NCKAP5: variants seen among roughly 807,000 people sequenced by gnomAD.
NCKAP5 encodes the protein NCK associated protein 5, also known as nck-associated protein 5.
NCKAP5 carries 92 observed loss-of-function variants against 167.0 expected under a neutral mutation model. That is an observed-to-expected ratio of 0.55 (90% confidence interval 0.47 to 0.66). The LOEUF is 0.66. Among genes scored for constraint, NCKAP5 ranks in the 30% least tolerant of loss-of-function variants. The pLI is 0.00. For missense variants in NCKAP5, 2,378 were observed against 2,315.0 expected (o/e 1.03, Z -0.56); for synonymous variants, 891 against 877.4 (o/e 1.02, Z -0.27).
intron 6 of NCKAP5, among the ~76,000 whole-genome samples, chr2:133,088,970 T>C (rs1009632580): frequency 6.6e-6 from 1 of 152,194 alleles, no homozygotes; most frequent in Non-Finnish European, 1.5e-5. Context: ...ACCAGACTTA[T>C]CTGTATATAG....
Position 132,783,723 on chromosome 2 carries a change from T to A in NCKAP5, c.3088A>T (p.Thr1030Ser). 1 of 1,611,550 alleles carries A rather than the reference T, an allele frequency of 6.2e-7. No individual in the cohort carries two copies. The highest frequency in any genetic ancestry group is 8.5e-7 in the Non-Finnish European group (1 of 1,178,872). ...TTTGGAGGCCCCAGAGCCATTACGG[T>A]GAAGGAGCTGGAGGGGGCATGAGCA... ...CPAHAPSSSF[T>S]VMALGPPKVS... Residue 1030 changes from threonine (T) to serine (S), a missense_variant, in exon 14 of 20, where the codon ACC becomes TCC. This residue lies in a region of NCKAP5 where 1,325 missense variants were observed against 1,274.5 expected (regional missense o/e 1.04). Transcript: ENST00000409261.
intron 2 of NCKAP5, among the ~76,000 whole-genome samples, chr2:133,523,635 C>A (rs1684646428): frequency 6.6e-6 from 1 of 152,182 alleles, no homozygotes; most frequent in African/African-American, 2.4e-5. Flanking sequence ...TTTTCCACAT[C>A]TAAATTCAAG....
chr2:133,087,499 T>C (rs1435747616), intron 6 of NCKAP5, among the ~76,000 whole-genome samples: 1 of 152,208 alleles, frequency 6.6e-6, no homozygotes, highest in African/African-American at 2.4e-5. Flanking sequence ...CTCTGATAAG[T>C]GGATGAAATG....
chr2:132,715,260 C>G (rs913855891), intron 19 of NCKAP5, among the ~76,000 whole-genome samples: 2 of 152,102 alleles, frequency 1.3e-5, no homozygotes, highest in Non-Finnish European at 2.9e-5. Context: ...CTTTCTTTTC[C>G]CCACCTACCC....
chr2:133,567,987 T>C (rs1008938906), intron 1 of NCKAP5, among the ~76,000 whole-genome samples: 17 of 152,192 alleles, frequency 1.1e-4, no homozygotes, highest in Non-Finnish European at 4.4e-5. Flanking sequence ...AGTATCTCCT[T>C]ATCATCTGCA....
At chr2:133,165,865 A>G (rs1431766006) in intron 5 of NCKAP5, among the ~76,000 whole-genome samples, 1 of 152,218 alleles carries the variant, frequency 6.6e-6, no homozygotes, top group East Asian at 1.9e-4. Flanking sequence ...TGATTTCATC[A>G]TCAACTTCTC....
At chr2:133,414,311 T>C (rs1447810097) in intron 3 of NCKAP5, among the ~76,000 whole-genome samples, 4 of 152,230 alleles carry the variant, frequency 2.6e-5, no homozygotes, top group African/African-American at 7.2e-5. Flanking sequence ...CAAGGTGCCA[T>C]TCCAAATGGA....
At chr2:133,561,995 T>A (rs939777708) in intron 1 of NCKAP5, among the ~76,000 whole-genome samples, 3 of 152,148 alleles carry the variant, frequency 2.0e-5, no homozygotes, top group Admixed American at 6.5e-5. Context: ...ACTATGCATG[T>A]AATTAAAACT....
chr2:132,996,747 G>A lies in NCKAP5; in HGVS notation c.342-2508C>T, dbSNP rs148266285. Among the ~76,000 whole-genome samples, 112 of 152,258 alleles carry A rather than the reference G, an allele frequency of 7.4e-4. 2 individuals are homozygous for A. In the East Asian group the frequency reaches 0.019, roughly 26 times the overall value. On this transcript the variant is annotated intron_variant, in intron 6 of 19. Coordinates refer to ENST00000409261, the MANE Select transcript of NCKAP5 (RefSeq NM_207363.3). Reference sequence around the variant, plus strand: ...AAATACATACTCACTAGACATTATTGTATGAATCCTTTGCTAATTCATTTT... The same window carrying A: ...AAATACATACTCACTAGACATTATTATATGAATCCTTTGCTAATTCATTTT...
intron 8 of NCKAP5, among the ~76,000 whole-genome samples, chr2:132,900,517 C>T (rs1693537117): frequency 6.6e-6 from 1 of 152,152 alleles, no homozygotes; most frequent in South Asian, 2.1e-4. Flanking sequence ...CATATATACA[C>T]ACATACATCA....
At chr2:132,889,067 T>C (rs944494532) in intron 8 of NCKAP5, among the ~76,000 whole-genome samples, 2 of 152,062 alleles carry the variant, frequency 1.3e-5, no homozygotes, top group East Asian at 3.9e-4. Flanking sequence ...TTTGAGGTGG[T>C]ATAAAGCCCC....
At chr2:132,761,724 C>T (rs994335237) in intron 16 of NCKAP5, among the ~76,000 whole-genome samples, 3 of 152,168 alleles carry the variant, frequency 2.0e-5, no homozygotes, top group Non-Finnish European at 4.4e-5. Context: ...AGGATTTTGG[C>T]TTCTGGTGAA....
At chr2:133,202,949 A>C (rs1423333417) in intron 5 of NCKAP5, among the ~76,000 whole-genome samples, 1 of 152,182 alleles carries the variant, frequency 6.6e-6, no homozygotes, top group Non-Finnish European at 1.5e-5. Context: ...GTGGGACTGT[A>C]AACTAGTTCA....
intron 5 of NCKAP5, among the ~76,000 whole-genome samples, chr2:133,193,510 C>G (rs2085316092): frequency 6.6e-6 from 1 of 152,052 alleles, no homozygotes; most frequent in South Asian, 2.1e-4. Context: ...AAATTATTAA[C>G]TTTTGCAAGA....
At chr2:132,878,994 T>C (rs1691541626) in intron 8 of NCKAP5, 78 bp from the exon 9 acceptor site, 4 of 1,086,202 alleles carry the variant, frequency 3.7e-6, no homozygotes, top group Non-Finnish European at 4.3e-6. Context: ...ATACAGTTAC[T>C]AAATATATCT....
chr2:133,103,841 T>C (rs567989336), intron 6 of NCKAP5, among the ~76,000 whole-genome samples: 1 of 152,196 alleles, frequency 6.6e-6, no homozygotes, highest in Non-Finnish European at 1.5e-5. Flanking sequence ...GTTTTGGCTC[T>C]TCCTCATCCC....
intron 6 of NCKAP5, among the ~76,000 whole-genome samples, chr2:133,053,352 G>T (rs1014986112): frequency 3.9e-5 from 6 of 152,152 alleles, no homozygotes; most frequent in African/African-American, 1.4e-4. Flanking sequence ...TTTTATCCAA[G>T]ATCCTCAAGA....
intron 4 of NCKAP5, among the ~76,000 whole-genome samples, chr2:133,219,834 C>T (rs1435785519): frequency 1.3e-5 from 2 of 151,948 alleles, no homozygotes; most frequent in East Asian, 3.9e-4. Flanking sequence ...TGATAAAATA[C>T]TCAGTATTTC....
At chr2:132,707,988 A>G (rs1030887046) in intron 19 of NCKAP5, among the ~76,000 whole-genome samples, 1 of 152,048 alleles carries the variant, frequency 6.6e-6, no homozygotes, top group African/African-American at 2.4e-5. Flanking sequence ...GGGGCTAGGA[A>G]CCCAGTCCTG....
Sources: gnomAD v4.1 joint callset for allele counts (sites outside exome capture counted in the v4.1 genomes callset) on GRCh38, gnomAD v4.1.1 for gene constraint, gnomAD v4.1.1 regional missense constraint, MANE v1.5 for transcripts, NCBI Gene and HGNC (gene_info 2026-07-23, HGNC 2026-07-21) for gene names.